Variants in IQCM observed in about 807,000 individuals in gnomAD.
IQCM encodes IQ motif containing M, also known as IQ domain-containing protein M.
Under a neutral mutation model 57.6 loss-of-function variants are expected in IQCM, and 45 were observed. That is an observed-to-expected ratio of 0.78 (90% CI 0.62 to 1.00). IQCM has a LOEUF of 1.00. Ranked by LOEUF, IQCM falls within the 50% of genes least tolerant of loss-of-function variation. The pLI, the probability that IQCM is intolerant of heterozygous loss-of-function variation, is 0.00. For synonymous variants in IQCM, 148 were observed against 158.9 expected (o/e 0.93, Z 0.51); for missense variants, 468 against 511.6 (o/e 0.91, Z 0.82).
intron 11 of IQCM, among the ~76,000 whole-genome samples, chr4:149,552,274 T>G (rs1017395307): frequency 2.6e-5 from 4 of 152,182 alleles, no homozygotes; most frequent in African/African-American, 9.7e-5. Context: ...ACATAATCCC[T>G]TTCTTCATGG....
intron 2 of IQCM, among the ~76,000 whole-genome samples, chr4:149,763,219 C>A (rs1769708501): frequency 6.6e-6 from 1 of 151,888 alleles, no homozygotes; most frequent in African/African-American, 2.4e-5. Flanking sequence ...TACAGTATAG[C>A]ATGATTTATA....
At chr4:149,535,245 A>G (rs1301901179) in intron 12 of IQCM, among the ~76,000 whole-genome samples, 2 of 152,070 alleles carry the variant, frequency 1.3e-5, no homozygotes, top group Non-Finnish European at 2.9e-5. Flanking sequence ...TATCCTTAAT[A>G]CTATGTTTAC....
intron 2 of IQCM, among the ~76,000 whole-genome samples, chr4:149,746,061 C>G (rs925505125): frequency 6.6e-6 from 1 of 150,644 alleles, no homozygotes; most frequent in Non-Finnish European, 1.5e-5. Flanking sequence ...AAAGCCTTAT[C>G]GTAATTAGCA....
chr4:149,455,816 T>C (rs1560861579), intron 12 of IQCM, among the ~76,000 whole-genome samples: 1 of 151,666 alleles, frequency 6.6e-6, no homozygotes, highest in East Asian at 2.0e-4. Context: ...ATTTTCTTTT[T>C]TTTTTTTAAT....
chr4:149,431,405 C>A (rs1260502639), intron 13 of IQCM, among the ~76,000 whole-genome samples: 1 of 151,866 alleles, frequency 6.6e-6, no homozygotes, highest in African/African-American at 2.4e-5. Context: ...ATTCACGTTT[C>A]CCTATGACTA....
chr4:149,613,743 C>T (rs1032009511), intron 8 of IQCM, among the ~76,000 whole-genome samples: 1 of 152,044 alleles, frequency 6.6e-6, no homozygotes, highest in African/African-American at 2.4e-5. Flanking sequence ...CAACAGGCCC[C>T]GGTGTGTGAT....
chr4:149,359,477 T>C (rs374119686), intron 13 of IQCM, among the ~76,000 whole-genome samples: 1 of 152,164 alleles, frequency 6.6e-6, no homozygotes, highest in East Asian at 1.9e-4. Flanking sequence ...TAGATTGGAA[T>C]GCATGGTAGA....
At position 149,682,393 on chromosome 4, in the gene IQCM, C is replaced by T. The variant is rs76285288; in HGVS notation, c.477-187G>A. On this transcript the variant is annotated intron_variant, in intron 6 of 13. Coordinates refer to ENST00000636793, the MANE Select transcript of IQCM (RefSeq NM_001363507.2). Reference sequence around the variant, plus strand: ...ATTATTAAACAAAGACAAAATACTACGAAATTTTGCTGGTTCTGAGACGAA... The same window carrying T: ...ATTATTAAACAAAGACAAAATACTATGAAATTTTGCTGGTTCTGAGACGAA... 4.1e-4 allele frequency among the ~76,000 whole-genome samples: 62 copies of T among 151,180 alleles called. 1 individual carries two copies. In the East Asian group the frequency reaches 5.2e-3, roughly 13 times the overall value.
chr4:149,410,421 T>G (rs1283661394), intron 13 of IQCM, among the ~76,000 whole-genome samples: 1 of 129,354 alleles, frequency 7.7e-6, no homozygotes, highest in African/African-American at 3.8e-5. Flanking sequence ...TACACACACC[T>G]GTGTGTGTGT....
intron 5 of IQCM, among the ~76,000 whole-genome samples, chr4:149,715,745 C>T (rs1764935282): frequency 6.6e-6 from 1 of 152,116 alleles, no homozygotes; most frequent in South Asian, 2.1e-4. Context: ...TCAGGAGACC[C>T]GAAGTGGGTA....
At chr4:149,647,616 A>T in intron 7 of IQCM, among the ~76,000 whole-genome samples, 1 of 150,866 alleles carries the variant, frequency 6.6e-6, no homozygotes, top group African/African-American at 2.4e-5. Context: ...TTTTTCTTTT[A>T]CTTCTTTTGC....
chr4:149,384,481 T>C (rs572751921), intron 13 of IQCM, among the ~76,000 whole-genome samples: 1 of 152,274 alleles, frequency 6.6e-6, no homozygotes, highest in East Asian at 1.9e-4. Flanking sequence ...GTAGTTGGCA[T>C]AAGAATATTT....
intron 12 of IQCM, among the ~76,000 whole-genome samples, chr4:149,455,375 A>C (rs1737582253): frequency 6.6e-6 from 1 of 152,092 alleles, no homozygotes; most frequent in African/African-American, 2.4e-5. Context: ...ACTCTGCAGT[A>C]AGTATTTCAT....
At chr4:149,596,139 G>T (rs558623267) in intron 8 of IQCM, among the ~76,000 whole-genome samples, 2 of 152,132 alleles carry the variant, frequency 1.3e-5, no homozygotes, top group Non-Finnish European at 2.9e-5. Context: ...AGGCTGAAGA[G>T]AAGGAGGGAA....
At chr4:149,686,271 A>G (rs930533113) in intron 6 of IQCM, 107 bp downstream of exon 6, 32 of 432,006 alleles carry the variant, frequency 7.4e-5, no homozygotes, top group Middle Eastern at 6.3e-4. Context: ...AGCTTCATGT[A>G]TGGGGTGTTA....
chr4:149,472,722 T>C (rs557222916), intron 12 of IQCM, among the ~76,000 whole-genome samples: 1 of 152,206 alleles, frequency 6.6e-6, no homozygotes, highest in East Asian at 1.9e-4. Flanking sequence ...CTTCAAACTA[T>C]ACTACAAGGC....
intron 8 of IQCM, among the ~76,000 whole-genome samples, chr4:149,603,718 G>T (rs1320929029): frequency 6.6e-5 from 10 of 150,576 alleles, no homozygotes; most frequent in African/African-American, 2.4e-4. Context: ...AAGAGGAATA[G>T]TTAAAAAAAA....
chr4:149,414,495 C>T (rs965158402), intron 13 of IQCM, among the ~76,000 whole-genome samples: 1 of 152,048 alleles, frequency 6.6e-6, no homozygotes, highest in African/African-American at 2.4e-5. Flanking sequence ...GAGATGTGAA[C>T]CTGAGAGAGT....
intron 13 of IQCM, among the ~76,000 whole-genome samples, chr4:149,363,504 A>G (rs1729633285): frequency 6.6e-6 from 1 of 152,182 alleles, no homozygotes; most frequent in Non-Finnish European, 1.5e-5. Flanking sequence ...CTATATATGT[A>G]TCTACATATA....
Sources: gnomAD v4.1 joint callset for allele counts (sites outside exome capture counted in the v4.1 genomes callset) on GRCh38, gnomAD v4.1.1 for gene constraint, MANE v1.5 for transcripts, NCBI Gene and HGNC (gene_info 2026-07-23, HGNC 2026-07-21) for gene names.